Variants in YIF1B observed in about 807,000 individuals in gnomAD.
The protein encoded by YIF1B is Yip1 interacting factor homolog B, membrane trafficking protein.
A neutral mutation model predicts 34.6 loss-of-function variants in YIF1B; 24 were observed. The observed-to-expected ratio is 0.69, with a 90% CI of 0.50 to 0.98. YIF1B has a LOEUF of 0.98. Ranked by LOEUF, YIF1B falls within the 50% of genes least tolerant of loss-of-function variation. The pLI is 0.00. For missense variants in YIF1B, 368 were observed against 429.4 expected (o/e 0.86, Z 1.26); for synonymous variants, 186 against 184.8 (o/e 1.01, Z -0.05).
intron 1 of YIF1B, among the ~76,000 whole-genome samples, chr19:38,313,554 C>T (rs142017658): frequency 3.9e-5 from 6 of 152,140 alleles, no homozygotes; most frequent in East Asian, 1.9e-4. Flanking sequence ...CCACCTAACC[C>T]GGCCCAGAGT....
At chr19:38,316,418 G>A (rs1401448595), upstream of YIF1B, among the ~76,000 whole-genome samples, 1 of 152,106 alleles carries the variant, frequency 6.6e-6, no homozygotes, top group East Asian at 1.9e-4. Flanking sequence ...CACTTTGGAA[G>A]GCTGAGGATC....
intron 5 of YIF1B, among the ~76,000 whole-genome samples, chr19:38,308,426 C>A (rs905951512): frequency 1.3e-4 from 19 of 151,230 alleles, no homozygotes; most frequent in African/African-American, 4.1e-4. Context: ...CAGGGCGGGG[C>A]AGGGTGGGCC....
At chr19:38,319,565 T>C (rs1307290291), upstream of YIF1B, among the ~76,000 whole-genome samples, 2 of 152,150 alleles carry the variant, frequency 1.3e-5, no homozygotes. Flanking sequence ...CTGTGCGCGA[T>C]GGGGGGCGAC....
chr19:38,313,102 C>G (rs546950271), intron 1 of YIF1B, among the ~76,000 whole-genome samples: 8 of 152,036 alleles, frequency 5.3e-5, no homozygotes, highest in Admixed American at 5.2e-4. Flanking sequence ...TAGGCGCACG[C>G]CACCAAGCCC....
intron 7 of YIF1B, 118 bp downstream of exon 7, chr19:38,307,310 T>C: frequency 2.6e-6 from 3 of 1,155,688 alleles, no homozygotes; most frequent in Non-Finnish European, 3.7e-6. Context: ...ACTCCAGGGC[T>C]CCTCAGTTCA....
chr19:38,314,094 T>C (rs994895584), intron 1 of YIF1B, among the ~76,000 whole-genome samples: 2 of 152,056 alleles, frequency 1.3e-5, no homozygotes, highest in Admixed American at 6.5e-5. Context: ...GGCGCAATCT[T>C]GGCTCACTGC....
intron 5 of YIF1B, among the ~76,000 whole-genome samples, chr19:38,308,553 G>C (rs1969163790): frequency 6.6e-6 from 1 of 152,030 alleles, no homozygotes; most frequent in Non-Finnish European, 1.5e-5. Flanking sequence ...CAAGAGGAAG[G>C]GTGGATGGAG....
Position 38,304,475 on chromosome 19 carries a change from A to AGGTCCG in YIF1B, c.*871_*876dup. ...TTCAGGGCCGGTCGGAGGCAGGGGC[A>AGGTCCG]GGTCCGGGTCCAAAGGTAAGTCGCC... is the stretch of plus-strand genomic sequence containing the variant. On this transcript the variant is annotated 3_prime_UTR_variant, in exon 8 of 8. Coordinates refer to ENST00000339413, the MANE Select transcript of YIF1B (RefSeq NM_001039672.3). The AGGTCCG allele has an allele frequency of 3.2e-6, 5 of 1,555,558 alleles. No individual in the cohort carries two copies. The highest frequency in any genetic ancestry group is 4.3e-6 in the Non-Finnish European group (5 of 1,149,954).
rs565067839 is a variant in YIF1B, at chr19:38,304,889, G to A, written c.*463C>T. 2 of 1,604,036 alleles carry A rather than the reference G, an allele frequency of 1.2e-6. No homozygotes were observed. The highest frequency in any genetic ancestry group is 2.3e-5 in the East Asian group (1 of 43,908). On this transcript the variant is annotated 3_prime_UTR_variant, in exon 8 of 8. Transcript: ENST00000339413. ...AGCAGCACGAGAGCATCCCGGGCAA[G>A]GCCAAGAAGCCCAAAGTGAAGAAGA...
At chr19:38,315,663 T>G (rs1969516659) in intron 1 of YIF1B, 197 bp downstream of exon 1, 1 of 1,585,628 alleles carries the variant, frequency 6.3e-7, no homozygotes, top group South Asian at 1.1e-5. Flanking sequence ...CAGTCCCAAG[T>G]TGTTTTCTTC....
chr19:38,314,764 C>T (rs964898392), intron 1 of YIF1B, among the ~76,000 whole-genome samples: 1 of 151,622 alleles, frequency 6.6e-6, no homozygotes, highest in Admixed American at 6.6e-5. Flanking sequence ...CAGGTGCTCG[C>T]CACCACACCC....
Position 38,309,391 on chromosome 19 carries a change from C to T in YIF1B, c.297+14G>A. On this transcript the variant is annotated intron_variant, in intron 2 of 7. Transcript: ENST00000339413. ...CCGTGCATCCCCCCACTCCCACCAG[C>T]CCCGCCCACTCACGTTCTTATCCAC... The T allele has an allele frequency of 6.2e-7, 1 of 1,612,454 alleles. No individual in the cohort carries two copies. Among genetic ancestry groups the T allele is most frequent in the Non-Finnish European group, 8.5e-7 (1 of 1,178,984 alleles).
chr19:38,309,566 G>A lies in YIF1B; in HGVS notation c.136C>T (p.Gln46Ter). ...HQLFDDTSSA[Q>*]SRGYGAQRAP... is the part of the protein sequence containing the mutation. ...CGCTGGGCCCCATAGCCCCGGCTCTGGGCTGAACTTGTGTCATCGAAAAGC... is the reference window on the plus strand; with the variant it reads ...CGCTGGGCCCCATAGCCCCGGCTCTAGGCTGAACTTGTGTCATCGAAAAGC... The change falls in exon 2 of 8, where the codon CAG (glutamine) becomes TAG (stop). Residue 46 changes from glutamine to a stop codon, truncating the protein, a stop_gained. Transcript: ENST00000339413. LOFTEE classifies it high-confidence loss of function. The A allele has an allele frequency of 6.3e-7, 1 of 1,599,820 alleles. No homozygotes were observed. Among genetic ancestry groups the A allele is most frequent in the Non-Finnish European group, 8.5e-7 (1 of 1,173,692 alleles).
Position 38,304,456 on chromosome 19 carries a change from G to T in YIF1B, c.*896C>A, listed in dbSNP as rs565666445. 9 of 1,556,392 alleles carry T rather than the reference G, an allele frequency of 5.8e-6. No homozygotes were observed. In the South Asian group the frequency reaches 9.4e-5, roughly 16 times the overall value. On this transcript the variant is annotated 3_prime_UTR_variant, in exon 8 of 8. Coordinates refer to ENST00000339413, the MANE Select transcript of YIF1B (RefSeq NM_001039672.3). ...AAGCTCAGTCCCCACAAAGTTCAGG[G>T]CCGGTCGGAGGCAGGGGCAGGTCCG...
At chr19:38,319,747 C>T (rs1969623271), upstream of YIF1B, 2 of 532,214 alleles carry the variant, frequency 3.8e-6, no homozygotes. Context: ...CGAACGAACA[C>T]CTGGCGGTTG....
chr19:38,315,153 G>A (rs112742989), intron 1 of YIF1B, among the ~76,000 whole-genome samples: 1 of 151,806 alleles, frequency 6.6e-6, no homozygotes, highest in South Asian at 2.1e-4. Flanking sequence ...GCTGAGGCAG[G>A]AGAATCGCTT....
upstream of YIF1B, chr19:38,317,029 T>C (rs1969574674): frequency 1.3e-5 from 2 of 152,246 alleles, no homozygotes; most frequent in Non-Finnish European, 2.9e-5. Flanking sequence ...GGTGTCTCTC[T>C]TGGAATAGAT....
intron 5 of YIF1B, 52 bp downstream of exon 5, chr19:38,308,740 C>G: frequency 6.2e-7 from 1 of 1,611,134 alleles, no homozygotes; most frequent in East Asian, 2.2e-5. Flanking sequence ...TCCTGACCAA[C>G]CATGGGCCTC....
chr19:38,319,875 C>G (rs1035946643), upstream of YIF1B: 44 of 1,299,482 alleles, frequency 3.4e-5, no homozygotes, highest in African/African-American at 4.7e-5. Context: ...GGAACTGGAA[C>G]TAGGTGCCAG....
Sources: allele counts gnomAD v4.1 joint callset (sites outside exome capture counted in the v4.1 genomes callset), GRCh38; gene constraint gnomAD v4.1.1; transcripts MANE v1.5; gene names NCBI Gene and HGNC (gene_info 2026-07-23, HGNC 2026-07-21).